The following ZFPM2 variants were observed in gnomAD, a reference collection of about 807,000 sequenced individuals.
The protein encoded by ZFPM2 is zinc finger protein, FOG family member 2, also known as zinc finger protein ZFPM2.
ZFPM2 carries 20 observed loss-of-function variants against 98.6 expected under a neutral mutation model. The ratio of observed to expected loss-of-function variants is 0.20; its 90% CI spans 0.14 to 0.29. The LOEUF is 0.29. Among genes scored for constraint, ZFPM2 ranks in the 10% least tolerant of loss-of-function variants. The pLI is 1.00. For synonymous variants in ZFPM2, 518 were observed against 502.7 expected, an observed-to-expected ratio of 1.03 and a Z score of -0.41; for missense variants, 1,310 against 1,388.6, an observed-to-expected ratio of 0.94 and a Z score of 0.90.
chr8:105,738,955 A>G (rs1229094245), intron 5 of ZFPM2, among the ~76,000 whole-genome samples: 1 of 151,984 alleles, frequency 6.6e-6, no homozygotes, highest in Non-Finnish European at 1.5e-5. Context: ...GAACTCATGC[A>G]TTTTTTCTTA....
intron 2 of ZFPM2, among the ~76,000 whole-genome samples, chr8:105,424,819 G>A (rs1478474391): frequency 1.3e-5 from 2 of 152,116 alleles, no homozygotes. Flanking sequence ...ACAGCCTTAG[G>A]CAAAAGTCAG....
At chr8:105,563,550 A>C (rs1424849189) in intron 4 of ZFPM2, among the ~76,000 whole-genome samples, 1 of 152,186 alleles carries the variant, frequency 6.6e-6, no homozygotes, top group Non-Finnish European at 1.5e-5. Context: ...TTTGTGATGT[A>C]GCCACAAAAT....
At chr8:105,532,820 A>G (rs138414405) in intron 3 of ZFPM2, among the ~76,000 whole-genome samples, 389 of 152,102 alleles carry the variant, frequency 2.6e-3, no homozygotes, top group African/African-American at 8.6e-3. Context: ...TACAAGAACT[A>G]TGGAAGAAAC....
At chr8:105,744,516 T>C (rs1224988713) in intron 5 of ZFPM2, among the ~76,000 whole-genome samples, 1 of 152,118 alleles carries the variant, frequency 6.6e-6, no homozygotes, top group African/African-American at 2.4e-5. Flanking sequence ...AGGCAGATAC[T>C]AATGACTGTA....
At chr8:105,366,501 T>G (rs866043037) in intron 1 of ZFPM2, among the ~76,000 whole-genome samples, 18 of 150,516 alleles carry the variant, frequency 1.2e-4, no homozygotes, top group African/African-American at 4.2e-4. Context: ...TTTTTTTAAT[T>G]TTTTTCATTT....
intron 5 of ZFPM2, among the ~76,000 whole-genome samples, chr8:105,659,819 A>G (rs1348381562): frequency 6.6e-6 from 1 of 152,206 alleles, no homozygotes; most frequent in Non-Finnish European, 1.5e-5. Context: ...ATTAAAGTAT[A>G]GGTATTTACT....
intron 3 of ZFPM2, among the ~76,000 whole-genome samples, chr8:105,507,710 G>A (rs1813731528): frequency 6.6e-6 from 1 of 152,152 alleles, no homozygotes; most frequent in Non-Finnish European, 1.5e-5. Context: ...ACTACAGTGT[G>A]CAAAAACGGC....
chr8:105,666,152 G>T (rs2096935639), intron 5 of ZFPM2, among the ~76,000 whole-genome samples: 1 of 152,102 alleles, frequency 6.6e-6, no homozygotes, highest in African/African-American at 2.4e-5. Context: ...GCATTTCAGG[G>T]ATGGGGGCAG....
intron 5 of ZFPM2, among the ~76,000 whole-genome samples, chr8:105,718,930 T>C (rs903934668): frequency 1.3e-5 from 2 of 151,898 alleles, no homozygotes; most frequent in African/African-American, 4.8e-5. Flanking sequence ...AGATGACTTA[T>C]TAAAGATTAT....
At chr8:105,343,277 A>G (rs745838831) in intron 1 of ZFPM2, among the ~76,000 whole-genome samples, 3 of 152,140 alleles carry the variant, frequency 2.0e-5, no homozygotes, top group Non-Finnish European at 4.4e-5. Context: ...CCATTCTGCA[A>G]TGTTCAACAA....
At chr8:105,474,112 T>A (rs1812964344) in intron 3 of ZFPM2, among the ~76,000 whole-genome samples, 1 of 152,206 alleles carries the variant, frequency 6.6e-6, no homozygotes, top group Non-Finnish European at 1.5e-5. Flanking sequence ...CTAAGCGAGG[T>A]TCTTGACTAC....
At chr8:105,589,457 A>G (rs1210532377) in intron 4 of ZFPM2, among the ~76,000 whole-genome samples, 3 of 152,206 alleles carry the variant, frequency 2.0e-5, no homozygotes, top group Non-Finnish European at 4.4e-5. Flanking sequence ...AGCTCAAAAA[A>G]CGAACTTAAG....
intron 5 of ZFPM2, among the ~76,000 whole-genome samples, chr8:105,682,003 C>A (rs1000354692): frequency 6.6e-6 from 1 of 151,756 alleles, no homozygotes; most frequent in Non-Finnish European, 1.5e-5. Flanking sequence ...AAATAAGCGG[C>A]AAAATTAAAT....
chr8:105,587,358 A>T (rs1444558199), intron 4 of ZFPM2, among the ~76,000 whole-genome samples: 1 of 150,182 alleles, frequency 6.7e-6, no homozygotes, highest in Non-Finnish European at 1.5e-5. Context: ...AGTGAAGATG[A>T]TGTGTCTCAT....
chr8:105,463,562 C>T (rs1812742005), intron 3 of ZFPM2, among the ~76,000 whole-genome samples: 1 of 151,962 alleles, frequency 6.6e-6, no homozygotes, highest in Non-Finnish European at 1.5e-5. Flanking sequence ...CTCAGGACAA[C>T]ATGTTTATTC....
chr8:105,437,841 G>A (rs1388228894), intron 2 of ZFPM2, among the ~76,000 whole-genome samples: 2 of 152,048 alleles, frequency 1.3e-5, no homozygotes, highest in Non-Finnish European at 2.9e-5. Context: ...TCAGGAGTTC[G>A]TGACCAGCCT....
chr8:105,730,515 T>A (rs1212582671), intron 5 of ZFPM2, among the ~76,000 whole-genome samples: 1 of 151,736 alleles, frequency 6.6e-6, no homozygotes, highest in East Asian at 1.9e-4. Flanking sequence ...TACTCTGAGC[T>A]CTTTGCTCCA....
chr8:105,535,231 A>G (rs547071620), intron 3 of ZFPM2, among the ~76,000 whole-genome samples: 18 of 152,268 alleles, frequency 1.2e-4, no homozygotes, highest in African/African-American at 2.9e-4. Flanking sequence ...CTGTTTCCCA[A>G]GTAACCTTTG....
At chr8:105,542,768 T>G (rs1329454400) in intron 3 of ZFPM2, among the ~76,000 whole-genome samples, 1 of 152,164 alleles carries the variant, frequency 6.6e-6, no homozygotes, top group East Asian at 1.9e-4. Flanking sequence ...CCAAGGAGAT[T>G]CCTTATATAC....
Sources: allele counts gnomAD v4.1 joint callset (sites outside exome capture counted in the v4.1 genomes callset), GRCh38; gene constraint gnomAD v4.1.1; transcripts MANE v1.5; gene names NCBI Gene and HGNC (gene_info 2026-07-23, HGNC 2026-07-21).